HELZ: variants seen among roughly 807,000 people sequenced by gnomAD.
HELZ encodes helicase with zinc finger.
A neutral mutation model predicts 218.2 loss-of-function variants in HELZ; 23 were observed. That is an observed-to-expected ratio of 0.11 (90% confidence interval 0.08 to 0.15). HELZ has a LOEUF of 0.15. Ranked by LOEUF, HELZ falls within the 10% of genes least tolerant of loss-of-function variation. HELZ has a pLI of 1.00. For synonymous variants in HELZ, 814 were observed against 829.4 expected (o/e 0.98, Z 0.32); for missense variants, 1,813 against 2,353.7 (o/e 0.77, Z 4.75).
intron 23 of HELZ, among the ~76,000 whole-genome samples, chr17:67,135,070 G>A (rs907675337): frequency 1.4e-4 from 21 of 151,516 alleles, no homozygotes; most frequent in Non-Finnish European, 1.2e-4. Flanking sequence ...CCAATTAACT[G>A]GTATAAGTCA....
At chr17:67,113,361 G>A (rs1414340568) in intron 28 of HELZ, among the ~76,000 whole-genome samples, 2 of 151,952 alleles carry the variant, frequency 1.3e-5, no homozygotes, top group East Asian at 1.9e-4. Flanking sequence ...CTGGGTTCAC[G>A]CCATTCTCCT....
At chr17:67,204,237 A>G (rs1275220974) in intron 5 of HELZ, among the ~76,000 whole-genome samples, 1 of 152,222 alleles carries the variant, frequency 6.6e-6, no homozygotes, top group Non-Finnish European at 1.5e-5. Context: ...AACATACCAT[A>G]TATATAAAGT....
chr17:67,143,639 T>C (rs1462075811), intron 21 of HELZ, among the ~76,000 whole-genome samples: 2 of 152,008 alleles, frequency 1.3e-5, no homozygotes, highest in African/African-American at 2.4e-5. Context: ...AAAACATATC[T>C]TTGGTGCTTA....
Position 67,157,231 on chromosome 17 carries a change from T to C in HELZ, c.2177+3030A>G, listed in dbSNP as rs984997655. On this transcript the variant is annotated intron_variant, in intron 17 of 32. Transcript: ENST00000358691. ...TTATCCAGTCTCAGGTATTTCTTTA[T>C]AGCAATGCAAGAACGGCCTAATACA... Among the ~76,000 whole-genome samples the C allele has an allele frequency of 3.9e-5, 6 of 152,190 alleles. No homozygotes were observed. In the South Asian group the frequency reaches 6.2e-4, roughly 16 times the overall value.
intron 21 of HELZ, among the ~76,000 whole-genome samples, chr17:67,138,820 A>G (rs542934144): frequency 6.6e-6 from 1 of 152,338 alleles, no homozygotes; most frequent in African/African-American, 2.4e-5. Flanking sequence ...TTTTTAGGAT[A>G]GTTTGTTCTA....
intron 3 of HELZ, among the ~76,000 whole-genome samples, chr17:67,226,856 A>T (rs1454184339): frequency 1.3e-5 from 2 of 152,216 alleles, no homozygotes; most frequent in Non-Finnish European, 2.9e-5. Context: ...TCTCAAAAAC[A>T]TTATGCCACA....
rs984647596 is a variant in HELZ, at chr17:67,233,413, A to G, written c.-19+6020T>C. On this transcript the variant is annotated intron_variant, in intron 3 of 32. Coordinates refer to ENST00000358691, the MANE Select transcript of HELZ (RefSeq NM_014877.4). Reference sequence around the variant, plus strand: ...AAAGTCCTCACTCCCCAACATAACTATGGCACTTCCTACTCTCTATTGAGC... The same window carrying G: ...AAAGTCCTCACTCCCCAACATAACTGTGGCACTTCCTACTCTCTATTGAGC... Among the ~76,000 whole-genome samples, 2 of 152,302 alleles carry G rather than the reference A, an allele frequency of 1.3e-5. 1 individual carries two copies. Among genetic ancestry groups the G allele is most frequent in the South Asian group, 4.1e-4 (2 of 4,826 alleles).
intron 17 of HELZ, among the ~76,000 whole-genome samples, chr17:67,154,257 G>A (rs928742193): frequency 6.6e-5 from 10 of 152,124 alleles, no homozygotes; most frequent in East Asian, 5.8e-4. Context: ...GCAAAACCCC[G>A]TATCTACTAA....
intron 12 of HELZ, among the ~76,000 whole-genome samples, chr17:67,180,091 T>C (rs116039003): frequency 0.011 from 1,607 of 152,274 alleles, 31 homozygotes; most frequent in African/African-American, 0.036. Flanking sequence ...AAAAGCCATT[T>C]TCACATGCCA....
At chr17:67,220,708 A>G (rs76406489) in intron 3 of HELZ, among the ~76,000 whole-genome samples, 1 of 151,972 alleles carries the variant, frequency 6.6e-6, no homozygotes, top group Non-Finnish European at 1.5e-5. Flanking sequence ...CCAGCCTGGT[A>G]TCAAAACTCC....
At chr17:67,089,692 G>GAC (rs1567790628) in intron 31 of HELZ, among the ~76,000 whole-genome samples, 12 of 135,726 alleles carry the variant, frequency 8.8e-5, no homozygotes, top group South Asian at 2.5e-4. Flanking sequence ...GAGAGAGAGA[G>GAC]AGAGAGAGAC....
chr17:67,245,604 C>A, upstream of HELZ: 1 of 870,100 alleles, frequency 1.1e-6, no homozygotes, highest in Non-Finnish European at 1.4e-6. Context: ...GCTCCTGCGG[C>A]CGCGCTTCCA....
chr17:67,136,836 G>A lies in HELZ; in HGVS notation c.2954-638C>T, dbSNP rs540287510. The stretch of plus-strand genomic sequence containing the variant: ...TGCATACAGAGTTTCAGTTTGGAAA[G>A]ATCAAAAAAGTTCTGGAGATGAATG... On this transcript the variant is annotated intron_variant, in intron 22 of 32. Coordinates refer to ENST00000358691, the MANE Select transcript of HELZ (RefSeq NM_014877.4). Among the ~76,000 whole-genome samples, 3 of 152,212 alleles carry A rather than the reference G, an allele frequency of 2.0e-5. No individual in the cohort carries two copies. The South Asian group carries it at 6.2e-4, about 32-fold the overall frequency.
chr17:67,182,866 C>T (rs527592614), intron 12 of HELZ, among the ~76,000 whole-genome samples: 1 of 152,160 alleles, frequency 6.6e-6, no homozygotes, highest in East Asian at 1.9e-4. Context: ...GGGTTTGTTT[C>T]GTCTTGAAGT....
intron 15 of HELZ, among the ~76,000 whole-genome samples, chr17:67,165,293 G>A (rs924010854): frequency 6.6e-6 from 1 of 152,178 alleles, no homozygotes; most frequent in African/African-American, 2.4e-5. Flanking sequence ...CGCATATTTC[G>A]TGTTGTTCTG....
intron 24 of HELZ, among the ~76,000 whole-genome samples, chr17:67,124,890 T>C (rs73343129): frequency 3.1e-3 from 475 of 152,172 alleles, no homozygotes; most frequent in African/African-American, 0.011. Flanking sequence ...AAATTCTCTC[T>C]TCCCATGGGC....
chr17:67,235,916 A>G (rs2041169825), intron 3 of HELZ, among the ~76,000 whole-genome samples: 1 of 151,700 alleles, frequency 6.6e-6, no homozygotes, highest in Non-Finnish European at 1.5e-5. Flanking sequence ...ACCTGCCACC[A>G]CGCCCGGCTA....
At chr17:67,094,397 G>T (rs1253168563) in intron 31 of HELZ, among the ~76,000 whole-genome samples, 1 of 151,594 alleles carries the variant, frequency 6.6e-6, no homozygotes, top group African/African-American at 2.4e-5. Flanking sequence ...GTGAGAGAGA[G>T]AGAGAGAGAG....
In HELZ at chr17:67,244,549, C is replaced by A. The variant is rs968482133; in HGVS notation, c.-132+599G>T. 8.8e-6 allele frequency: 8 copies of A among 907,964 alleles called. No individual in the cohort carries two copies. In the African/African-American group the frequency reaches 1.3e-4, roughly 15 times the overall value. The allele number at this position is 907,964 out of a possible 1,614,324, so 56.2% of individuals were successfully genotyped here. A position where few individuals can be genotyped will look rare whatever the true frequency, so the allele number is the denominator to read the frequency against. On this transcript the variant is annotated intron_variant, in intron 1 of 32. Transcript: ENST00000358691. ...GCCTATCTTTATTTTTGTTGATGTG[C>A]TTGTGGGCCAAAGAGCATTTCCGAG... is the stretch of plus-strand genomic sequence containing the variant.
Sources: gnomAD v4.1 joint callset for allele counts (sites outside exome capture counted in the v4.1 genomes callset) on GRCh38, gnomAD v4.1.1 for gene constraint, MANE v1.5 for transcripts, NCBI Gene and HGNC (gene_info 2026-07-23, HGNC 2026-07-21) for gene names.